The following LRRTM4 variants were observed in gnomAD, a reference collection of about 807,000 sequenced individuals.
LRRTM4 encodes leucine rich repeat transmembrane neuronal 4.
Under a neutral mutation model 47.6 loss-of-function variants are expected in LRRTM4, and 25 were observed. That is an observed-to-expected ratio of 0.53 (90% CI 0.38 to 0.73). The LOEUF (loss-of-function observed/expected upper bound fraction) is 0.73. Among genes scored for constraint, LRRTM4 ranks in the 30% least tolerant of loss-of-function variants. The pLI, the probability that LRRTM4 is intolerant of heterozygous loss-of-function variation, is 0.00. For missense variants in LRRTM4, 638 were observed against 713.4 expected (o/e 0.89, Z 1.20); for synonymous variants, 311 against 269.5 (o/e 1.15, Z -1.51).
chr2:77,325,897 T>C (rs1034496211), intron 3 of LRRTM4, among the ~76,000 whole-genome samples: 1 of 152,180 alleles, frequency 6.6e-6, no homozygotes, highest in Non-Finnish European at 1.5e-5. Flanking sequence ...ATATGGCACC[T>C]TGGCATTTGA....
chr2:77,009,451 C>T (rs1214977246), intron 3 of LRRTM4: 1 of 152,084 alleles, frequency 6.6e-6, no homozygotes, highest in Admixed American at 6.6e-5. Flanking sequence ...TCATCCCTCT[C>T]AAATGCTCTA....
intron 3 of LRRTM4, among the ~76,000 whole-genome samples, chr2:77,169,108 C>G (rs12617573): frequency 6.6e-6 from 1 of 151,742 alleles, no homozygotes; most frequent in Non-Finnish European, 1.5e-5. Flanking sequence ...ATGACAAATC[C>G]GCAGCTAAAA....
intron 3 of LRRTM4, among the ~76,000 whole-genome samples, chr2:76,830,515 CGTGTGTGT>C (rs57566911): frequency 0.022 from 3,240 of 144,070 alleles, 116 homozygotes; most frequent in East Asian, 0.083. Flanking sequence ...GCAGTGTGTG[CGTGTGTGT>C]GTGTGTGTGT....
intron 3 of LRRTM4, among the ~76,000 whole-genome samples, chr2:76,946,288 G>C (rs775844120): frequency 3.3e-5 from 5 of 151,880 alleles, no homozygotes; most frequent in Non-Finnish European, 7.4e-5. Context: ...TTGAGGTATT[G>C]TCAGCGTTTG....
chr2:77,239,216 G>C (rs1443181625), intron 3 of LRRTM4, among the ~76,000 whole-genome samples: 1 of 151,672 alleles, frequency 6.6e-6, no homozygotes, highest in Non-Finnish European at 1.5e-5. Context: ...CAAAAGAAGA[G>C]AAAAAAGTAA....
At chr2:77,096,671 T>C (rs538624382) in intron 3 of LRRTM4, among the ~76,000 whole-genome samples, 15 of 151,668 alleles carry the variant, frequency 9.9e-5, no homozygotes, top group African/African-American at 3.1e-4. Flanking sequence ...GATAAAGGTA[T>C]TGTGAAATCA....
chr2:76,844,968 A>G (rs558169941), intron 3 of LRRTM4, among the ~76,000 whole-genome samples: 1 of 152,314 alleles, frequency 6.6e-6, no homozygotes, highest in South Asian at 2.1e-4. Flanking sequence ...CTGTACAAGT[A>G]TGGCAGGATT....
At chr2:77,168,986 C>A (rs1672968182) in intron 3 of LRRTM4, among the ~76,000 whole-genome samples, 2 of 152,078 alleles carry the variant, frequency 1.3e-5, no homozygotes, top group Non-Finnish European at 2.9e-5. Flanking sequence ...ACCATATAAT[C>A]ATTTTAACAT....
chr2:76,899,696 T>A (rs373219254), intron 3 of LRRTM4, among the ~76,000 whole-genome samples: 1 of 152,148 alleles, frequency 6.6e-6, no homozygotes, highest in African/African-American at 2.4e-5. Flanking sequence ...GGAATATTGA[T>A]AGACTTTATT....
chr2:77,218,916 A>C (rs1366692863), intron 3 of LRRTM4, among the ~76,000 whole-genome samples: 1 of 152,212 alleles, frequency 6.6e-6, no homozygotes, highest in Non-Finnish European at 1.5e-5. Context: ...CAAGGGGCTC[A>C]AAGTAAAATG....
At chr2:77,453,546 G>A (rs574035315) in intron 3 of LRRTM4, among the ~76,000 whole-genome samples, 1 of 151,994 alleles carries the variant, frequency 6.6e-6, no homozygotes, top group Non-Finnish European at 1.5e-5. Context: ...ATTCATTTGT[G>A]GTATGTCTTA....
At chr2:77,410,136 A>G (rs1231462858) in intron 3 of LRRTM4, among the ~76,000 whole-genome samples, 2 of 152,160 alleles carry the variant, frequency 1.3e-5, no homozygotes, top group East Asian at 3.8e-4. Flanking sequence ...AGAAGAAAAA[A>G]CAAACAAGTC....
At chr2:77,150,589 C>T (rs1300955341) in intron 3 of LRRTM4, among the ~76,000 whole-genome samples, 3 of 152,046 alleles carry the variant, frequency 2.0e-5, no homozygotes, top group African/African-American at 7.2e-5. Context: ...ATTTACTAAA[C>T]CAATCTATAA....
intron 3 of LRRTM4, among the ~76,000 whole-genome samples, chr2:77,306,897 ATTTTTTT>A (rs774697360): frequency 8.9e-6 from 1 of 112,412 alleles, no homozygotes; most frequent in African/African-American, 4.3e-5. Flanking sequence ...GCTTTTCCAT[ATTTTTTT>A]TTTTTTTTTT....
At chr2:76,932,821 A>G in intron 3 of LRRTM4, among the ~76,000 whole-genome samples, 1 of 151,616 alleles carries the variant, frequency 6.6e-6, no homozygotes, top group East Asian at 1.9e-4. Flanking sequence ...ATTTGAAATG[A>G]TGTGTTCTTT....
intron 3 of LRRTM4, among the ~76,000 whole-genome samples, chr2:76,829,154 T>G (rs56842774): frequency 0.46 from 69,805 of 151,676 alleles, 17,150 homozygotes; most frequent in East Asian, 0.76. Context: ...TGCTTCCACT[T>G]GAGGCTGGCC....
At chr2:77,310,446 T>A (rs1677420242) in intron 3 of LRRTM4, among the ~76,000 whole-genome samples, 1 of 152,160 alleles carries the variant, frequency 6.6e-6, no homozygotes, top group Admixed American at 6.5e-5. Context: ...GAAAATGGAC[T>A]CTTCTGTGTG....
intron 3 of LRRTM4, among the ~76,000 whole-genome samples, chr2:76,796,072 C>T (rs1392765409): frequency 3.8e-5 from 5 of 130,008 alleles, no homozygotes; most frequent in Admixed American, 7.6e-5. Context: ...CCTGGAAAAT[C>T]GGGTCACTCC....
chr2:77,003,415 A>T (rs1386572478), intron 3 of LRRTM4, among the ~76,000 whole-genome samples: 1 of 151,930 alleles, frequency 6.6e-6, no homozygotes. Context: ...TGTAGGAGGG[A>T]CCTGGTGGGA....
Sources: allele counts gnomAD v4.1 joint callset (sites outside exome capture counted in the v4.1 genomes callset), GRCh38; gene constraint gnomAD v4.1.1; transcripts MANE v1.5; gene names NCBI Gene and HGNC (gene_info 2026-07-23, HGNC 2026-07-21).